Variants in CTNNA3 observed in about 807,000 individuals in gnomAD.
CTNNA3 encodes the protein catenin alpha 3.
CTNNA3 carries 76 observed loss-of-function variants against 95.7 expected under a neutral mutation model. The ratio of observed to expected loss-of-function variants is 0.79; its 90% CI spans 0.66 to 0.96. The LOEUF (loss-of-function observed/expected upper bound fraction) is 0.96. CTNNA3 is among the 40% of genes least tolerant of loss of function. The pLI, the probability that CTNNA3 is intolerant of heterozygous loss-of-function variation, is 0.00. For missense variants in CTNNA3, 1,191 were observed against 1,089.8 expected, an observed-to-expected ratio of 1.09 and a Z score of -1.31; for synonymous variants, 431 against 374.4, an observed-to-expected ratio of 1.15 and a Z score of -1.74.
intron 5 of CTNNA3, among the ~76,000 whole-genome samples, chr10:67,233,244 T>G (rs1281112801): frequency 6.6e-6 from 1 of 151,914 alleles, no homozygotes; most frequent in African/African-American, 2.4e-5. Flanking sequence ...ATTCCAAAAT[T>G]GACCACATAC....
chr10:67,649,381 T>C (rs1263161371), intron 1 of CTNNA3, among the ~76,000 whole-genome samples: 2 of 152,194 alleles, frequency 1.3e-5, no homozygotes, highest in Non-Finnish European at 2.9e-5. Flanking sequence ...TGTAAATCCT[T>C]CTAGAAGAAT....
intron 1 of CTNNA3, among the ~76,000 whole-genome samples, chr10:67,741,568 A>G (rs1392245966): frequency 6.6e-6 from 1 of 151,168 alleles, no homozygotes; most frequent in Non-Finnish European, 1.5e-5. Flanking sequence ...AATTCTAAAG[A>G]CCATCGAGGC....
At chr10:66,969,232 A>C (rs958249151) in intron 7 of CTNNA3, among the ~76,000 whole-genome samples, 1 of 152,120 alleles carries the variant, frequency 6.6e-6, no homozygotes, top group African/African-American at 2.4e-5. Flanking sequence ...ACATCTATGC[A>C]CAGGCATTTA....
At chr10:66,928,468 ATAAAAAGAGCTCT>A in intron 7 of CTNNA3, 2 of 1,568,218 alleles carry the variant, frequency 1.3e-6, no homozygotes, top group Non-Finnish European at 1.7e-6. Flanking sequence ...AACCATTGTG[ATAAAAAGAGCTCT>A]TAAAAGCTGG....
At chr10:67,210,432 A>C (rs1864092627) in intron 6 of CTNNA3, among the ~76,000 whole-genome samples, 1 of 152,224 alleles carries the variant, frequency 6.6e-6, no homozygotes. Context: ...AACTAAAAAA[A>C]AGAAGACACA....
chr10:67,116,493 GT>G (rs1244919853), intron 7 of CTNNA3, among the ~76,000 whole-genome samples: 2 of 151,940 alleles, frequency 1.3e-5, no homozygotes, highest in Admixed American at 1.3e-4. Flanking sequence ...TCTGCCCTTA[GT>G]TTTTGTAGAA....
chr10:66,827,847 C>T (rs1268602707), intron 7 of CTNNA3, among the ~76,000 whole-genome samples: 2 of 152,118 alleles, frequency 1.3e-5, no homozygotes, highest in East Asian at 3.9e-4. Context: ...CTCACAGTAA[C>T]TTGGTAGACA....
intron 7 of CTNNA3, among the ~76,000 whole-genome samples, chr10:67,080,890 G>C (rs1857014686): frequency 6.7e-6 from 1 of 149,314 alleles, no homozygotes; most frequent in Non-Finnish European, 1.5e-5. Context: ...GCCTGGGCGA[G>C]AGAGCGAGAC....
At chr10:66,063,820 AAATGCATAT>A (rs2080259034) in intron 15 of CTNNA3, among the ~76,000 whole-genome samples, 2 of 152,226 alleles carry the variant, frequency 1.3e-5, no homozygotes, top group African/African-American at 4.8e-5. Context: ...TGGAAATTTA[AAATGCATAT>A]AATGCATATA....
chr10:66,608,345 T>C (rs1844203671), intron 10 of CTNNA3, among the ~76,000 whole-genome samples: 1 of 152,048 alleles, frequency 6.6e-6, no homozygotes, highest in Admixed American at 6.6e-5. Context: ...ATAGGAAGAA[T>C]CAAAATTCTT....
rs373834139 is a variant in CTNNA3, at chr10:66,225,043, AT to A, written c.1884+55426del. Reference sequence around the variant, plus strand: ...TTTATCATTTCTTTGCGCTAGGAACATTTAAAATCCTTTCTTCTAGCTATTT... The same window carrying A: ...TTTATCATTTCTTTGCGCTAGGAACATTAAAATCCTTTCTTCTAGCTATTT... On this transcript the variant is annotated intron_variant, in intron 13 of 17. Transcript: ENST00000433211. 1.2e-4 allele frequency among the ~76,000 whole-genome samples: 18 copies of A among 152,168 alleles called. No individual in the cohort carries two copies. The East Asian group carries it at 1.9e-3, about 16-fold the overall frequency.
intron 1 of CTNNA3, among the ~76,000 whole-genome samples, chr10:67,726,599 T>A (rs1841227514): frequency 1.3e-5 from 1 of 79,020 alleles, no homozygotes; most frequent in Non-Finnish European, 2.2e-5. Flanking sequence ...AATATTATAT[T>A]ACATATTATA....
intron 1 of CTNNA3, among the ~76,000 whole-genome samples, chr10:67,666,629 C>T (rs957668491): frequency 6.6e-6 from 1 of 152,090 alleles, no homozygotes; most frequent in Non-Finnish European, 1.5e-5. Flanking sequence ...ATTTAGCCAG[C>T]AGAGGGTATT....
At chr10:67,096,194 T>C (rs1459478218) in intron 7 of CTNNA3, among the ~76,000 whole-genome samples, 1 of 151,774 alleles carries the variant, frequency 6.6e-6, no homozygotes, top group African/African-American at 2.4e-5. Context: ...AAAGAAGTGA[T>C]TAGTTTTATT....
chr10:67,618,762 A>C (rs1201678383), intron 2 of CTNNA3, among the ~76,000 whole-genome samples: 1 of 152,220 alleles, frequency 6.6e-6, no homozygotes, highest in Non-Finnish European at 1.5e-5. Flanking sequence ...TCATCAGCAA[A>C]TTAAATACTT....
At chr10:66,128,292 T>G (rs10996919) in intron 13 of CTNNA3, among the ~76,000 whole-genome samples, 26,552 of 151,952 alleles carry the variant, frequency 0.17, 2,759 homozygotes, top group South Asian at 0.4. Flanking sequence ...TGAGCTAAAT[T>G]TCTCTGAGAA....
At chr10:67,708,964 A>G (rs1841092497) in intron 1 of CTNNA3, among the ~76,000 whole-genome samples, 1 of 151,418 alleles carries the variant, frequency 6.6e-6, no homozygotes, top group Non-Finnish European at 1.5e-5. Flanking sequence ...TTAAAAATAT[A>G]TTTTATATAT....
chr10:67,569,301 T>C (rs554170110), intron 3 of CTNNA3, among the ~76,000 whole-genome samples: 1 of 152,282 alleles, frequency 6.6e-6, no homozygotes, highest in South Asian at 2.1e-4. Flanking sequence ...TATGTGTGCA[T>C]AGCCATTCCA....
chr10:67,021,209 A>C (rs1202407451), intron 7 of CTNNA3, among the ~76,000 whole-genome samples: 1 of 152,156 alleles, frequency 6.6e-6, no homozygotes, highest in East Asian at 1.9e-4. Flanking sequence ...TATCCAACAC[A>C]ATACTGGGAA....
Sources: allele counts gnomAD v4.1 joint callset (sites outside exome capture counted in the v4.1 genomes callset), GRCh38; gene constraint gnomAD v4.1.1; transcripts MANE v1.5; gene names NCBI Gene and HGNC (gene_info 2026-07-23, HGNC 2026-07-21).